Variants in SEPTIN9 observed in about 807,000 individuals in gnomAD.
SEPTIN9 encodes the protein septin-9.
A neutral mutation model predicts 56.6 loss-of-function variants in SEPTIN9; 13 were observed. The observed-to-expected ratio is 0.23, with a 90% CI of 0.15 to 0.37. The LOEUF (loss-of-function observed/expected upper bound fraction) is 0.37. Among genes scored for constraint, SEPTIN9 ranks in the 10% least tolerant of loss-of-function variants. The pLI, the probability that SEPTIN9 is intolerant of heterozygous loss-of-function variation, is 1.00. For missense variants in SEPTIN9, 650 were observed against 823.1 expected (o/e 0.79, Z 2.57); for synonymous variants, 332 against 334.1 (o/e 0.99, Z 0.07).
chr17:77,383,586 C>G lies in SEPTIN9; in HGVS notation c.77-18473C>G, dbSNP rs556323801. ...TGAGGGTCCCGACCCTGGGGTCTGA[C>G]GGGGGCTGCCTCTGCCCCACTTCAG... On this transcript the variant is annotated intron_variant, in intron 2 of 11. Coordinates refer to ENST00000427177, the MANE Select transcript of SEPTIN9 (RefSeq NM_001113491.2). Among the ~76,000 whole-genome samples the G allele has an allele frequency of 2.0e-5, 3 of 152,320 alleles. No homozygotes were observed. The East Asian group carries it at 5.8e-4, about 29-fold the overall frequency.
At chr17:77,467,719 G>A (rs1214197695) in intron 3 of SEPTIN9, among the ~76,000 whole-genome samples, 9 of 152,246 alleles carry the variant, frequency 5.9e-5, no homozygotes, top group African/African-American at 9.6e-5. Flanking sequence ...CGGAGACGCC[G>A]TGGGAAAGGA....
chr17:77,486,188 G>T (rs764556261), intron 4 of SEPTIN9, among the ~76,000 whole-genome samples: 5 of 151,962 alleles, frequency 3.3e-5, no homozygotes, highest in Non-Finnish European at 7.4e-5. Flanking sequence ...CTGCAGCCTC[G>T]CACTCCTGGG....
At chr17:77,391,109 G>A (rs1026661148) in intron 2 of SEPTIN9, among the ~76,000 whole-genome samples, 1 of 152,168 alleles carries the variant, frequency 6.6e-6, no homozygotes, top group Non-Finnish European at 1.5e-5. Context: ...GCAGTGGGGC[G>A]AGGCTGCCTC....
In SEPTIN9 at chr17:77,456,691, G is replaced by C. The variant is rs1263855569; in HGVS notation, c.722-25453G>C. ...ACCAGGTCTCAGGGACCAGCACCGG[G>C]TACCCACAGCCAGGGACGGGCCCCC... On this transcript the variant is annotated intron_variant, in intron 3 of 11. Transcript: ENST00000427177. The surrounding 1 kb of genome is among the most constrained non-coding windows in gnomAD (Gnocchi z 6.0). Among the ~76,000 whole-genome samples, 1 of 151,984 alleles carries C rather than the reference G, an allele frequency of 6.6e-6. No individual in the cohort carries two copies. The highest frequency in any genetic ancestry group is 1.5e-5 in the Non-Finnish European group (1 of 67,960).
Position 77,453,020 on chromosome 17 carries a change from G to T in SEPTIN9, c.722-29124G>T, listed in dbSNP as rs560666929. On this transcript the variant is annotated intron_variant, in intron 3 of 11. Coordinates refer to ENST00000427177, the MANE Select transcript of SEPTIN9 (RefSeq NM_001113491.2). This position sits in a 1 kb window ranked among gnomAD's most constrained non-coding sequence, Gnocchi z 4.4. ...CTGAGTTGCTGCTGACTCCCAGCTT[G>T]CCCCTTCTGTCCCCTGGCCATTTCT... 2.0e-5 allele frequency among the ~76,000 whole-genome samples: 3 copies of T among 151,718 alleles called. No individual in the cohort carries two copies. In the East Asian group the frequency reaches 5.8e-4, roughly 29 times the overall value.
chr17:77,393,556 A>G (rs989452284), intron 2 of SEPTIN9, among the ~76,000 whole-genome samples: 4 of 152,132 alleles, frequency 2.6e-5, no homozygotes, highest in African/African-American at 9.7e-5. Context: ...GCCGCGTGCC[A>G]TGCCTGCACC....
intron 3 of SEPTIN9, among the ~76,000 whole-genome samples, chr17:77,416,744 G>A (rs66749226): frequency 0.35 from 53,874 of 152,012 alleles, 10,048 homozygotes; most frequent in Non-Finnish European, 0.4. Flanking sequence ...GTCCACCCTC[G>A]CCCACTCAAC....
intron 3 of SEPTIN9, among the ~76,000 whole-genome samples, chr17:77,423,968 A>G (rs922807449): frequency 3.9e-5 from 1 of 25,392 alleles, no homozygotes; most frequent in Admixed American, 4.0e-4. Flanking sequence ...CTGCCAGGGC[A>G]TGTCGCTGGG....
chr17:77,335,671 A>G (rs554365735), intron 2 of SEPTIN9, among the ~76,000 whole-genome samples: 1 of 125,274 alleles, frequency 8.0e-6, no homozygotes, highest in Non-Finnish European at 1.7e-5. Context: ...TGTAGGCCCT[A>G]TGTTGACTGT....
At chr17:77,474,606 T>C (rs1280854833) in intron 3 of SEPTIN9, among the ~76,000 whole-genome samples, 1 of 152,102 alleles carries the variant, frequency 6.6e-6, no homozygotes, top group East Asian at 1.9e-4. Flanking sequence ...AGCTGCACCT[T>C]CTGGGTCCTG....
chr17:77,287,190 G>T (rs1359573300), intron 1 of SEPTIN9, among the ~76,000 whole-genome samples: 8 of 152,228 alleles, frequency 5.3e-5, no homozygotes, highest in Non-Finnish European at 1.0e-4. Context: ...CTGGTGGGTG[G>T]AGGGACTTGG....
chr17:77,349,209 C>T (rs746874441), intron 2 of SEPTIN9, among the ~76,000 whole-genome samples: 5 of 152,062 alleles, frequency 3.3e-5, no homozygotes, highest in Non-Finnish European at 5.9e-5. Context: ...CTTCTCCTCC[C>T]GGGCTCAAAC....
chr17:77,425,024 G>T lies in SEPTIN9; in HGVS notation c.721+22321G>T, dbSNP rs1300921384. 6.6e-6 allele frequency among the ~76,000 whole-genome samples: 1 copy of T among 152,220 alleles called. No individual in the cohort carries two copies. The highest frequency in any genetic ancestry group is 1.5e-5 in the Non-Finnish European group (1 of 68,028). On this transcript the variant is annotated intron_variant, in intron 3 of 11. Coordinates refer to ENST00000427177, the MANE Select transcript of SEPTIN9 (RefSeq NM_001113491.2). The surrounding 1 kb of genome is among the most constrained non-coding windows in gnomAD (Gnocchi z 4.2). ...CAGGACTTACGCATAGTTGGGCGAAGTCGAGTGACCACATGTGGAAGTCTA... is the reference window on the plus strand; with the variant it reads ...CAGGACTTACGCATAGTTGGGCGAATTCGAGTGACCACATGTGGAAGTCTA...
intron 3 of SEPTIN9, among the ~76,000 whole-genome samples, chr17:77,480,165 T>G (rs993070784): frequency 6.6e-6 from 1 of 152,152 alleles, no homozygotes; most frequent in African/African-American, 2.4e-5. Flanking sequence ...GGACCCCCCC[T>G]TGGCATTTCC....
intron 2 of SEPTIN9, among the ~76,000 whole-genome samples, chr17:77,368,379 T>C (rs1201178380): frequency 1.3e-5 from 2 of 152,092 alleles, no homozygotes; most frequent in Non-Finnish European, 2.9e-5. Context: ...TGGCGTGATC[T>C]TGGCTCACTG....
intron 2 of SEPTIN9, among the ~76,000 whole-genome samples, chr17:77,363,550 G>C (rs1223037116): frequency 6.6e-6 from 1 of 151,858 alleles, no homozygotes; most frequent in Non-Finnish European, 1.5e-5. Flanking sequence ...ACCACACCCG[G>C]CTAATTTTTG....
At chr17:77,498,051 T>G in intron 11 of SEPTIN9, among the ~76,000 whole-genome samples, 1 of 151,762 alleles carries the variant, frequency 6.6e-6, no homozygotes, top group South Asian at 2.1e-4. Context: ...GCCCAGGACT[T>G]TTTTTTCCTG....
intron 1 of SEPTIN9, among the ~76,000 whole-genome samples, chr17:77,288,498 G>T (rs142876703): frequency 5.0e-4 from 76 of 152,338 alleles, no homozygotes; most frequent in African/African-American, 1.8e-3. Flanking sequence ...GAGCAGGCGG[G>T]TGGGCCGCCC....
Position 77,327,336 on chromosome 17 carries a change from C to T in SEPTIN9, c.76+20139C>T, listed in dbSNP as rs368957364. 1.3e-5 allele frequency among the ~76,000 whole-genome samples: 2 copies of T among 152,104 alleles called. No homozygotes were observed. Among genetic ancestry groups the T allele is most frequent in the Non-Finnish European group, 2.9e-5 (2 of 68,008 alleles). ...CCGTCTCTTGCTCTGGGCACCCCCC[C>T]ACTCCGAACGGCCAGAGCTTCTGAA... On this transcript the variant is annotated intron_variant, in intron 2 of 11. Transcript: ENST00000427177. This position sits in a 1 kb window ranked among gnomAD's most constrained non-coding sequence, Gnocchi z 5.0.
Sources: allele counts gnomAD v4.1 joint callset (sites outside exome capture counted in the v4.1 genomes callset), GRCh38; gene constraint gnomAD v4.1.1; non-coding constraint Gnocchi (gnomAD v3.1); transcripts MANE v1.5; gene names NCBI Gene and HGNC (gene_info 2026-07-23, HGNC 2026-07-21).